UBE2E1: variants seen among roughly 807,000 people sequenced by gnomAD.
The protein encoded by UBE2E1 is ubiquitin-conjugating enzyme E2 E1.
A neutral mutation model predicts 21.4 loss-of-function variants in UBE2E1; 6 were observed. That is an observed-to-expected ratio of 0.28 (90% CI 0.15 to 0.55). The LOEUF (loss-of-function observed/expected upper bound fraction) is 0.55, where lower values mean the gene tolerates loss of function less well. Ranked by LOEUF, UBE2E1 falls within the 20% of genes least tolerant of loss-of-function variation. UBE2E1 has a pLI of 0.93. For synonymous variants in UBE2E1, 87 were observed against 82.7 expected (o/e 1.05, Z -0.28); for missense variants, 142 against 236.5 (o/e 0.60, Z 2.62).
intron 3 of UBE2E1, among the ~76,000 whole-genome samples, chr3:23,861,777 G>C (rs1005183745): frequency 1.3e-5 from 2 of 152,182 alleles, no homozygotes; most frequent in Non-Finnish European, 2.9e-5. Context: ...GCCACCAAGC[G>C]GCCAGACTCC....
chr3:23,812,892 T>G (rs1333121564), intron 3 of UBE2E1, among the ~76,000 whole-genome samples: 1 of 152,098 alleles, frequency 6.6e-6, no homozygotes, highest in African/African-American at 2.4e-5. Flanking sequence ...ATGTGTGTGT[T>G]ATTAATAACA....
chr3:23,840,300 A>G (rs1274957104), intron 3 of UBE2E1, among the ~76,000 whole-genome samples: 3 of 151,974 alleles, frequency 2.0e-5, no homozygotes, highest in Non-Finnish European at 2.9e-5. Flanking sequence ...TTGGTTTTTT[A>G]CCTTATATTT....
intron 3 of UBE2E1, among the ~76,000 whole-genome samples, chr3:23,815,873 G>C (rs1476269670): frequency 2.0e-5 from 3 of 152,212 alleles, no homozygotes; most frequent in Non-Finnish European, 4.4e-5. Flanking sequence ...ATGATGTTTA[G>C]TTTCACCATT....
intron 3 of UBE2E1, among the ~76,000 whole-genome samples, chr3:23,884,846 C>T (rs950763070): frequency 1.3e-5 from 2 of 152,144 alleles, no homozygotes; most frequent in Non-Finnish European, 2.9e-5. Context: ...TTAGAGTAGC[C>T]TTTTGCCTTT....
chr3:23,854,746 T>C (rs1438592244), intron 3 of UBE2E1, among the ~76,000 whole-genome samples: 1 of 152,260 alleles, frequency 6.6e-6, no homozygotes, highest in African/African-American at 2.4e-5. Context: ...TCCTTGTGGC[T>C]TTAAAGAAAT....
chr3:23,861,309 C>T (rs115272965), intron 3 of UBE2E1, among the ~76,000 whole-genome samples: 2,061 of 152,258 alleles, frequency 0.014, 25 homozygotes, highest in Middle Eastern at 0.031. Flanking sequence ...ATTGAAGGCT[C>T]TAAGTAGCTT....
intron 2 of UBE2E1, among the ~76,000 whole-genome samples, chr3:23,809,097 G>A (rs1481458582): frequency 2.0e-5 from 3 of 152,136 alleles, no homozygotes; most frequent in African/African-American, 7.2e-5. Context: ...AGAGATGATA[G>A]GTGTAGAAAA....
chr3:23,855,605 G>A lies in UBE2E1; in HGVS notation c.204-31962G>A, dbSNP rs541701509. 4.3e-4 allele frequency among the ~76,000 whole-genome samples: 66 copies of A among 152,134 alleles called. No homozygotes were observed. In the Middle Eastern group the frequency reaches 0.01, roughly 24 times the overall value. On this transcript the variant is annotated intron_variant, in intron 3 of 5. Transcript: ENST00000306627. ...AGCACTTTGGGAGGCCGAGGTGGGC[G>A]GATCACGAGGTCAGGAGATCGAGAC...
At chr3:23,858,013 G>T (rs1302829632) in intron 3 of UBE2E1, among the ~76,000 whole-genome samples, 1 of 152,034 alleles carries the variant, frequency 6.6e-6, no homozygotes, top group Non-Finnish European at 1.5e-5. Flanking sequence ...TTGGAGATGG[G>T]GTTTCACCAT....
intron 3 of UBE2E1, among the ~76,000 whole-genome samples, chr3:23,826,907 C>A (rs1387070372): frequency 6.6e-6 from 1 of 152,052 alleles, no homozygotes; most frequent in African/African-American, 2.4e-5. Flanking sequence ...AAATGTAATT[C>A]TAGCATATCT....
At chr3:23,818,560 AT>A (rs1330848300) in intron 3 of UBE2E1, among the ~76,000 whole-genome samples, 1 of 152,178 alleles carries the variant, frequency 6.6e-6, no homozygotes, top group African/African-American at 2.4e-5. Flanking sequence ...CCTCAGCAAA[AT>A]TACACCATGT....
At position 23,836,509 on chromosome 3, in the gene UBE2E1, C is replaced by T. The variant is rs1203294975; in HGVS notation, c.203+24999C>T. On this transcript the variant is annotated intron_variant, in intron 3 of 5. Transcript: ENST00000306627. The surrounding 1 kb of genome is among the most constrained non-coding windows in gnomAD (Gnocchi z 4.1). ...CAATAGAAGAGATGTGTGTGTTCCT[C>T]TGAAAACTGCAAGGTATTTCAGTGA... Among the ~76,000 whole-genome samples, 1 of 152,168 alleles carries T rather than the reference C, an allele frequency of 6.6e-6. No homozygotes were observed. Among genetic ancestry groups the T allele is most frequent in the Non-Finnish European group, 1.5e-5 (1 of 68,014 alleles).
intron 3 of UBE2E1, among the ~76,000 whole-genome samples, chr3:23,846,612 C>T (rs1700209416): frequency 6.8e-6 from 1 of 146,954 alleles, no homozygotes; most frequent in South Asian, 2.2e-4. Context: ...CCGGCAATCA[C>T]TTGAACCCAG....
At chr3:23,872,116 A>G (rs993723979) in intron 3 of UBE2E1, among the ~76,000 whole-genome samples, 6 of 152,178 alleles carry the variant, frequency 3.9e-5, no homozygotes, top group Non-Finnish European at 8.8e-5. Flanking sequence ...TCCGTCTGCA[A>G]TCCCGGCACC....
rs1332631912 is a variant in UBE2E1, at chr3:23,810,765, C to G, written c.153-695C>G. The G allele has an allele frequency of 7.4e-6, 2 of 270,980 alleles. No homozygotes were observed. The highest frequency in any genetic ancestry group is 5.4e-5 in the Admixed American group (1 of 18,414). 16.8% of individuals were successfully genotyped at this position (270,980 alleles called of 1,614,324 possible). A position where few individuals can be genotyped will look rare whatever the true frequency, so the allele number is the denominator to read the frequency against. On this transcript the variant is annotated intron_variant, in intron 2 of 5. Transcript: ENST00000306627. This position sits in a 1 kb window ranked among gnomAD's most constrained non-coding sequence, Gnocchi z 5.8. ...GCACCCTGTTCCCCTCCCCCGCCCG[C>G]AACTTCACCGGCGCGGCGCGAGCCG...
At chr3:23,861,407 T>TA (rs1700553913) in intron 3 of UBE2E1, among the ~76,000 whole-genome samples, 1 of 152,162 alleles carries the variant, frequency 6.6e-6, no homozygotes, top group South Asian at 2.1e-4. Flanking sequence ...TCACTCCTGA[T>TA]ACGGAAGGGA....
rs187268439 is a variant in UBE2E1, at chr3:23,888,828, T to C, written c.337-284T>C. On this transcript the variant is annotated intron_variant, in intron 4 of 5. Coordinates refer to ENST00000306627, the MANE Select transcript of UBE2E1 (RefSeq NM_003341.5). ...CTAACACAAGAGGTCAGCAAACAAT[T>C]AGCTATTCAAACTTGGAAATGTTAA... Among the ~76,000 whole-genome samples, 3 of 152,340 alleles carry C rather than the reference T, an allele frequency of 2.0e-5. No homozygotes were observed. In the East Asian group the frequency reaches 5.8e-4, roughly 29 times the overall value.
rs569492965 is a variant in UBE2E1 at position 23,879,566 on chromosome 3, G to A, written c.204-8001G>A. On this transcript the variant is annotated intron_variant, in intron 3 of 5. Coordinates refer to ENST00000306627, the MANE Select transcript of UBE2E1 (RefSeq NM_003341.5). ...CTTGCTTTAGAACTTCTCTTCGTAG[G>A]TGATCCAGCTATAAGACTAACCATC... is the stretch of plus-strand genomic sequence containing the variant. 4 of 300,126 alleles carry A rather than the reference G, an allele frequency of 1.3e-5. No homozygotes were observed. In the East Asian group the frequency reaches 3.4e-4, roughly 25 times the overall value. 18.6% of individuals were successfully genotyped at this position (300,126 alleles called of 1,614,324 possible). A position where few individuals can be genotyped will look rare whatever the true frequency, so the allele number is the denominator to read the frequency against.
chr3:23,845,583 C>CTGTGTGTGTG lies in UBE2E1; in HGVS notation c.203+34074_203+34075insGTGTGTGTGT, dbSNP rs768414328. 5.1e-3 allele frequency among the ~76,000 whole-genome samples: 249 copies of CTGTGTGTGTG among 48,836 alleles called. 1 individual carries two copies. Among genetic ancestry groups the CTGTGTGTGTG allele is most frequent in the African/African-American group, 0.012 (197 of 15,788 alleles). The allele number at this position is 48,836 out of a possible 152,430, so 32.0% of individuals were successfully genotyped here. A position where few individuals can be genotyped will look rare whatever the true frequency, so the allele number is the denominator to read the frequency against. On this transcript the variant is annotated intron_variant, in intron 3 of 5. Transcript: ENST00000306627. Reference sequence around the variant, plus strand: ...GGTTTCTCTCTCTCTCTCTCTCTCTCTCTCTCTGTGTGTGTGTGTGTGTGT... The same window carrying CTGTGTGTGTG: ...GGTTTCTCTCTCTCTCTCTCTCTCTCTGTGTGTGTGTCTCTCTGTGTGTGTGTGTGTGTGT...
Sources: allele counts gnomAD v4.1 joint callset (sites outside exome capture counted in the v4.1 genomes callset), GRCh38; gene constraint gnomAD v4.1.1; non-coding constraint Gnocchi (gnomAD v3.1); transcripts MANE v1.5; gene names NCBI Gene and HGNC (gene_info 2026-07-23, HGNC 2026-07-21).